The following LRP1B variants were observed in gnomAD, a reference collection of about 807,000 sequenced individuals.
LRP1B encodes LDL receptor related protein 1B.
In LRP1B, 217 loss-of-function variants were observed where a neutral mutation model predicts 556.6. The observed-to-expected ratio is 0.39, with a 90% CI of 0.35 to 0.44. LRP1B has a LOEUF of 0.44. Ranked by LOEUF, LRP1B falls within the 20% of genes least tolerant of loss-of-function variation. The pLI, the probability that LRP1B is intolerant of heterozygous loss-of-function variation, is 1.00. For synonymous variants in LRP1B, 2,047 were observed against 1,865.8 expected (o/e 1.10, Z -2.50); for missense variants, 5,053 against 5,620.8 (o/e 0.90, Z 3.23).
chr2:141,900,608 G>T (rs997507652), intron 1 of LRP1B, among the ~76,000 whole-genome samples: 1 of 151,896 alleles, frequency 6.6e-6, no homozygotes, highest in African/African-American at 2.4e-5. Flanking sequence ...ATGCCTGTGA[G>T]GTTCAGAAAT....
chr2:141,687,903 A>G (rs913495585), intron 2 of LRP1B, among the ~76,000 whole-genome samples: 1 of 134,576 alleles, frequency 7.4e-6, no homozygotes, highest in African/African-American at 2.9e-5. Context: ...ACATTTTTAA[A>G]TAGAGGGTCT....
intron 23 of LRP1B, among the ~76,000 whole-genome samples, chr2:140,893,628 T>C (rs1322617406): frequency 6.6e-6 from 1 of 152,152 alleles, no homozygotes; most frequent in African/African-American, 2.4e-5. Context: ...AAATACATGA[T>C]CGTATTTTAG....
At chr2:140,598,173 C>T (rs961549457) in intron 43 of LRP1B, among the ~76,000 whole-genome samples, 1 of 152,310 alleles carries the variant, frequency 6.6e-6, no homozygotes, top group East Asian at 1.9e-4. Flanking sequence ...GTGATTAGAA[C>T]AGATTTGACC....
At chr2:140,774,106 A>G (rs1000981279) in intron 33 of LRP1B, among the ~76,000 whole-genome samples, 2 of 152,168 alleles carry the variant, frequency 1.3e-5, no homozygotes, top group African/African-American at 4.8e-5. Context: ...TTAACACCTT[A>G]AAGAGTCCTA....
intron 1 of LRP1B, among the ~76,000 whole-genome samples, chr2:141,820,418 A>G (rs1244462364): frequency 6.6e-6 from 1 of 152,212 alleles, no homozygotes; most frequent in African/African-American, 2.4e-5. Flanking sequence ...CGTTTTGCAA[A>G]GAAAATAGAT....
chr2:141,133,290 C>CT (rs3063810), intron 7 of LRP1B, among the ~76,000 whole-genome samples: 42,041 of 136,936 alleles, frequency 0.31, 6,935 homozygotes, highest in Middle Eastern at 0.4. Flanking sequence ...TGTAACGTCT[C>CT]TTTTTTTTTT....
intron 3 of LRP1B, among the ~76,000 whole-genome samples, chr2:141,455,248 TAA>T (rs201384628): frequency 3.5e-5 from 5 of 141,940 alleles, no homozygotes; most frequent in Non-Finnish European, 4.6e-5. Flanking sequence ...TCTTAATCAT[TAA>T]AAAAAAAAAA....
chr2:141,489,119 T>A, intron 2 of LRP1B, among the ~76,000 whole-genome samples: 1 of 2,248 alleles, frequency 4.4e-4, no homozygotes, highest in African/African-American at 5.2e-4. Context: ...TGGCTTTTTT[T>A]TTTTTTTTTT....
Position 141,313,779 on chromosome 2 carries a change from C to T in LRP1B, c.344-59138G>A, listed in dbSNP as rs191839196. 4.6e-5 allele frequency among the ~76,000 whole-genome samples: 7 copies of T among 152,084 alleles called. No individual in the cohort carries two copies. In the East Asian group the frequency reaches 1.4e-3, roughly 29 times the overall value. On this transcript the variant is annotated intron_variant, in intron 3 of 90. Transcript: ENST00000389484. Reference sequence around the variant, plus strand: ...TTGGGGAACTGAGGTTTTAGGGACACTATTTGAGCAACTTCCCTGAATCTC... The same window carrying T: ...TTGGGGAACTGAGGTTTTAGGGACATTATTTGAGCAACTTCCCTGAATCTC...
At chr2:140,839,354 G>T (rs1692023852) in intron 31 of LRP1B, among the ~76,000 whole-genome samples, 1 of 152,136 alleles carries the variant, frequency 6.6e-6, no homozygotes, top group Non-Finnish European at 1.5e-5. Flanking sequence ...GCAAAGTATT[G>T]TTCCTCGGTG....
intron 20 of LRP1B, among the ~76,000 whole-genome samples, chr2:140,938,199 G>C (rs1212854399): frequency 6.7e-6 from 1 of 148,380 alleles, no homozygotes; most frequent in Non-Finnish European, 1.5e-5. Context: ...TTTTCTTCCA[G>C]CTTCCTATTT....
At chr2:140,238,085 A>G (rs1411891216) in intron 89 of LRP1B, 67 bp downstream of exon 89, 1 of 1,406,074 alleles carries the variant, frequency 7.1e-7, no homozygotes, top group Non-Finnish European at 9.6e-7. Flanking sequence ...TGAAATTCAG[A>G]ACCATAAAAC....
At chr2:140,965,537 A>G (rs1204111193) in intron 18 of LRP1B, among the ~76,000 whole-genome samples, 2 of 73,520 alleles carry the variant, frequency 2.7e-5, no homozygotes, top group Non-Finnish European at 3.4e-5. Flanking sequence ...TATGTACACT[A>G]TTTTCTAAAT....
At chr2:140,597,380 A>G (rs1280466053) in intron 43 of LRP1B, among the ~76,000 whole-genome samples, 4 of 152,304 alleles carry the variant, frequency 2.6e-5, no homozygotes, top group East Asian at 1.9e-4. Context: ...ACAAAAATCA[A>G]TTGAGGAGAA....
intron 1 of LRP1B, among the ~76,000 whole-genome samples, chr2:141,811,952 A>G (rs1377164443): frequency 6.6e-6 from 1 of 152,118 alleles, no homozygotes; most frequent in African/African-American, 2.4e-5. Context: ...TCCTCTAAAG[A>G]TGGGTGGGCT....
At chr2:142,043,161 T>C (rs527734294) in intron 1 of LRP1B, among the ~76,000 whole-genome samples, 3 of 151,606 alleles carry the variant, frequency 2.0e-5, no homozygotes, top group Non-Finnish European at 4.4e-5. Flanking sequence ...GTAATTGAAA[T>C]TCCTTAGCTA....
intron 2 of LRP1B, among the ~76,000 whole-genome samples, chr2:141,800,000 G>T (rs894452449): frequency 6.6e-6 from 1 of 151,798 alleles, no homozygotes; most frequent in Non-Finnish European, 1.5e-5. Context: ...TTTCTAATTG[G>T]AAAATAAACA....
chr2:140,321,453 AATT>A (rs145702827), intron 82 of LRP1B, among the ~76,000 whole-genome samples: 3,316 of 151,948 alleles, frequency 0.022, 37 homozygotes, highest in African/African-American at 0.033. Context: ...ATCAAAGAAT[AATT>A]ATTATTATTC....
chr2:140,978,336 T>C (rs1290547485), intron 18 of LRP1B, among the ~76,000 whole-genome samples: 1 of 152,326 alleles, frequency 6.6e-6, no homozygotes, highest in Admixed American at 6.5e-5. Flanking sequence ...CTTTGCATGT[T>C]TTTAAATCCA....
Sources: gnomAD v4.1 joint callset for allele counts (sites outside exome capture counted in the v4.1 genomes callset) on GRCh38, gnomAD v4.1.1 for gene constraint, MANE v1.5 for transcripts, NCBI Gene and HGNC (gene_info 2026-07-23, HGNC 2026-07-21) for gene names.